GRAP2: variants seen among roughly 807,000 people sequenced by gnomAD.
GRAP2 encodes the protein GRB2 related adaptor protein 2, also known as GRB2-related adapter protein 2.
A neutral mutation model predicts 43.5 loss-of-function variants in GRAP2; 31 were observed. The observed-to-expected ratio is 0.71, with a 90% CI of 0.54 to 0.96. The LOEUF (loss-of-function observed/expected upper bound fraction) is 0.96, where lower values mean the gene tolerates loss of function less well. GRAP2 is among the 40% of genes least tolerant of loss of function. GRAP2 has a pLI of 0.00. For missense variants in GRAP2, 371 were observed against 424.4 expected (o/e 0.87, Z 1.11); for synonymous variants, 156 against 164.8 (o/e 0.95, Z 0.41).
Position 39,960,103 on chromosome 22 carries a change from G to A in GRAP2, c.219G>A (p.Met73Ile). Reference sequence around the variant, plus strand: ...GACACCAGGCAGAGAACTTACTCATGGGCAAGGAGGTTGGCTTCTTCATCA... The same window carrying A: ...GACACCAGGCAGAGAACTTACTCATAGGCAAGGAGGTTGGCTTCTTCATCA... ...LSRHQAENLL[M>I]GKEVGFFIIR... is the part of the protein sequence containing the mutation. Residue 73 changes from methionine to isoleucine, a missense_variant, in exon 4 of 8, where the codon ATG (methionine) becomes ATA (isoleucine). Met to Ile is a conservative substitution (Grantham distance 10). Coordinates refer to ENST00000344138, the MANE Select transcript of GRAP2 (RefSeq NM_004810.4). The A allele has an allele frequency of 6.2e-7, 1 of 1,612,822 alleles. No individual in the cohort carries two copies. Among genetic ancestry groups the A allele is most frequent in the Non-Finnish European group, 8.5e-7 (1 of 1,178,802 alleles).
the GRAP2 span, among the ~76,000 whole-genome samples, chr22:39,894,764 C>T: frequency 0.067 from 10,215 of 152,280 alleles, 476 homozygotes; most frequent in Non-Finnish European, 0.11. Context: ...TAAAAAGCAG[C>T]CCTCTGCTGG....
At chr22:39,924,431 T>C (rs113448300) in intron 1 of GRAP2, among the ~76,000 whole-genome samples, 7 of 152,314 alleles carry the variant, frequency 4.6e-5, no homozygotes, top group African/African-American at 1.7e-4. Flanking sequence ...TCGGGCGCGG[T>C]GGCTCATGCC....
At chr22:39,954,398 A>T (rs898231940) in intron 2 of GRAP2, among the ~76,000 whole-genome samples, 3 of 151,970 alleles carry the variant, frequency 2.0e-5, no homozygotes, top group Non-Finnish European at 4.4e-5. Context: ...TCAAAGACTT[A>T]AAAAAAATTT....
At chr22:39,905,571 T>C (rs1288235169) in intron 1 of GRAP2, among the ~76,000 whole-genome samples, 1 of 152,220 alleles carries the variant, frequency 6.6e-6, no homozygotes, top group African/African-American at 2.4e-5. Context: ...AAACGATTTA[T>C]ACATTTAAGG....
At chr22:39,959,937 T>C in intron 3 of GRAP2, 118 bp from the exon 4 acceptor site, 1 of 869,828 alleles carries the variant, frequency 1.1e-6, no homozygotes, top group Non-Finnish European at 1.9e-6. Flanking sequence ...GGTCTCTCTC[T>C]GCTCCCTACT....
chr22:39,918,509 C>T (rs774357989), intron 1 of GRAP2, among the ~76,000 whole-genome samples: 3 of 152,182 alleles, frequency 2.0e-5, no homozygotes, highest in Non-Finnish European at 2.9e-5. Context: ...AATAACTTCT[C>T]ATTATAATAA....
intron 1 of GRAP2, among the ~76,000 whole-genome samples, chr22:39,946,095 A>G (rs1393306277): frequency 6.6e-6 from 1 of 152,216 alleles, no homozygotes; most frequent in African/African-American, 2.4e-5. Context: ...TCCTGACCTC[A>G]GGTGATCTGC....
chr22:39,935,667 T>A (rs1229885878), intron 1 of GRAP2, among the ~76,000 whole-genome samples: 1 of 152,196 alleles, frequency 6.6e-6, no homozygotes, highest in African/African-American at 2.4e-5. Context: ...AGCTTCTCTA[T>A]GGATAGATGA....
intron 2 of GRAP2, 98 bp from the exon 3 acceptor site, chr22:39,955,721 C>G: frequency 1.5e-6 from 1 of 671,032 alleles, no homozygotes; most frequent in Non-Finnish European, 2.8e-6. Flanking sequence ...ATATTTTCCT[C>G]TAAGTCCAAA....
At position 39,947,199 on chromosome 22, in the gene GRAP2, GC is replaced by G; in HGVS notation, c.78+19del. The G allele has an allele frequency of 2.2e-6, 3 of 1,359,774 alleles. No individual in the cohort carries two copies. Among genetic ancestry groups the G allele is most frequent in the Non-Finnish European group, 3.2e-6 (3 of 947,490 alleles). 84.2% of individuals were successfully genotyped at this position (1,359,774 alleles called of 1,614,324 possible). A position where few individuals can be genotyped will look rare whatever the true frequency, so the allele number is the denominator to read the frequency against. On this transcript the variant is annotated intron_variant, in intron 2 of 7. Transcript: ENST00000344138. ...ATGTTTTGAAGGTAGGTGACCTGGG[GC>G]CCCAGGGGAGCAGTAGGGAGTTTCA... is the stretch of plus-strand genomic sequence containing the variant.
chr22:39,897,724 G>T (rs1440776430), upstream of GRAP2, among the ~76,000 whole-genome samples: 1 of 151,776 alleles, frequency 6.6e-6, no homozygotes, highest in Non-Finnish European at 1.5e-5. Context: ...TCTCCATGTT[G>T]ATCAGGATGG....
In GRAP2 at chr22:39,947,086, C is replaced by T; in HGVS notation, c.-14-7C>T. On this transcript the variant is annotated splice_region_variant and splice_polypyrimidine_tract_variant and intron_variant, in intron 1 of 7. Transcript: ENST00000344138. ...GAGGCACAATGACCACATTATTTCT[C>T]TTCCAGCTTCACGTTACAGCATGGA... The T allele has an allele frequency of 2.0e-6, 3 of 1,536,972 alleles. No homozygotes were observed. Among genetic ancestry groups the T allele is most frequent in the Non-Finnish European group, 2.7e-6 (3 of 1,109,550 alleles).
intron 5 of GRAP2, 29 bp downstream of exon 5, chr22:39,966,187 C>G: frequency 1.3e-6 from 2 of 1,598,768 alleles, no homozygotes; most frequent in South Asian, 1.1e-5. Context: ...CGACCCCAAT[C>G]TAGAGATTTT....
intron 1 of GRAP2, among the ~76,000 whole-genome samples, chr22:39,939,023 G>A (rs1279137047): frequency 6.6e-6 from 1 of 152,138 alleles, no homozygotes; most frequent in East Asian, 1.9e-4. Context: ...TGAGTCACTG[G>A]GGACAAGAGA....
chr22:39,955,986 T>C (rs2145654947), intron 3 of GRAP2, 76 bp downstream of exon 3: 1 of 787,106 alleles, frequency 1.3e-6, no homozygotes, highest in East Asian at 2.6e-5. Context: ...ACTACAGTTA[T>C]CCATGGGAAC....
intron 1 of GRAP2, among the ~76,000 whole-genome samples, chr22:39,945,256 G>A (rs764350876): frequency 5.9e-5 from 9 of 152,222 alleles, no homozygotes; most frequent in Non-Finnish European, 1.2e-4. Flanking sequence ...AGTTAACTGT[G>A]ACATTTTACT....
At chr22:39,932,845 A>G (rs2066769957) in intron 1 of GRAP2, among the ~76,000 whole-genome samples, 2 of 152,334 alleles carry the variant, frequency 1.3e-5, no homozygotes, top group South Asian at 4.1e-4. Flanking sequence ...ATTATGAGGC[A>G]GGCACTATTA....
In GRAP2 at chr22:39,972,762, G is replaced by A. The variant is rs1410146125; in HGVS notation, c.*1678G>A. 3 of 152,560 alleles carry A rather than the reference G, an allele frequency of 2.0e-5. No homozygotes were observed. The allele number at this position is 152,560 out of a possible 1,614,324, so 9.5% of individuals were successfully genotyped here. On this transcript the variant is annotated 3_prime_UTR_variant, in exon 8 of 8. Coordinates refer to ENST00000344138, the MANE Select transcript of GRAP2 (RefSeq NM_004810.4). The stretch of plus-strand genomic sequence containing the variant: ...AAAGGAACTCTGTGGTGGGTATTGG[G>A]AGGGAAAAGAAAATAGCCTGGTGGA...
intron 1 of GRAP2, among the ~76,000 whole-genome samples, chr22:39,921,528 A>C (rs1478112974): frequency 1.3e-5 from 2 of 151,988 alleles, no homozygotes; most frequent in African/African-American, 2.4e-5. Context: ...ATTTCTTCTT[A>C]TTTTGTGTTT....
Sources: gnomAD v4.1 joint callset for allele counts (sites outside exome capture counted in the v4.1 genomes callset) on GRCh38, gnomAD v4.1.1 for gene constraint, MANE v1.5 for transcripts, NCBI Gene and HGNC (gene_info 2026-07-23, HGNC 2026-07-21) for gene names.